The following TMEM132D variants were observed in gnomAD, a reference collection of about 807,000 sequenced individuals.
TMEM132D encodes the protein mature OL transmembrane protein.
In TMEM132D, 21 loss-of-function variants were observed where a neutral mutation model predicts 62.3. The ratio of observed to expected loss-of-function variants is 0.34; its 90% CI spans 0.24 to 0.49. The LOEUF (loss-of-function observed/expected upper bound fraction) is 0.49, where lower values mean the gene tolerates loss of function less well. Ranked by LOEUF, TMEM132D falls within the 20% of genes least tolerant of loss-of-function variation. The pLI, the probability that TMEM132D is intolerant of heterozygous loss-of-function variation, is 0.99. For synonymous variants in TMEM132D, 621 were observed against 575.6 expected (o/e 1.08, Z -1.13); for missense variants, 1,346 against 1,402.8 (o/e 0.96, Z 0.65).
chr12:129,681,070 T>C (rs1880764860), intron 2 of TMEM132D, among the ~76,000 whole-genome samples: 1 of 152,126 alleles, frequency 6.6e-6, no homozygotes, highest in African/African-American at 2.4e-5. Context: ...ACCTGTGAAA[T>C]GTAGATTGCA....
At chr12:129,524,803 G>A (rs1209142108) in intron 3 of TMEM132D, among the ~76,000 whole-genome samples, 2 of 151,654 alleles carry the variant, frequency 1.3e-5, no homozygotes, top group Admixed American at 6.6e-5. Flanking sequence ...TGCAGTGAGC[G>A]GAGACTGCGC....
chr12:129,300,551 G>A (rs934849341), intron 4 of TMEM132D, among the ~76,000 whole-genome samples: 4 of 152,182 alleles, frequency 2.6e-5, no homozygotes, highest in Non-Finnish European at 4.4e-5. Context: ...TGGGAGGGTA[G>A]CAGTATAAAA....
chr12:129,537,158 TAAAA>T (rs10635477), intron 2 of TMEM132D, among the ~76,000 whole-genome samples: 7 of 114,354 alleles, frequency 6.1e-5, no homozygotes, highest in African/African-American at 2.4e-4. Context: ...AAACTCTGTC[TAAAA>T]AAAAAAAAAA....
At chr12:129,185,800 TATCTATCTATC>T (rs1262875696) in intron 5 of TMEM132D, among the ~76,000 whole-genome samples, 185 of 134,980 alleles carry the variant, frequency 1.4e-3, no homozygotes, top group East Asian at 0.012. Flanking sequence ...TCTATCTATC[TATCTATCTATC>T]ATCTATCTAT....
chr12:129,217,232 C>T (rs569246819), intron 4 of TMEM132D, among the ~76,000 whole-genome samples: 20 of 152,222 alleles, frequency 1.3e-4, no homozygotes, highest in East Asian at 3.9e-4. Flanking sequence ...TAAAAAAGAA[C>T]GAGGTCATGT....
intron 1 of TMEM132D, among the ~76,000 whole-genome samples, chr12:129,777,939 G>C (rs1870994356): frequency 6.6e-6 from 1 of 151,872 alleles, no homozygotes; most frequent in Non-Finnish European, 1.5e-5. Flanking sequence ...TTCAAGACCT[G>C]CTTGGGCAAC....
intron 2 of TMEM132D, among the ~76,000 whole-genome samples, chr12:129,688,861 C>A (rs590292): frequency 0.22 from 33,768 of 152,116 alleles, 4,075 homozygotes; most frequent in Middle Eastern, 0.28. Context: ...AAATGCAGAA[C>A]CTTCCTCTAT....
At chr12:129,704,802 G>A (rs1355562446) in intron 1 of TMEM132D, among the ~76,000 whole-genome samples, 1 of 152,132 alleles carries the variant, frequency 6.6e-6, no homozygotes, top group African/African-American at 2.4e-5. Flanking sequence ...AGTAACGAAG[G>A]AAATTCAGAA....
intron 1 of TMEM132D, among the ~76,000 whole-genome samples, chr12:129,871,874 C>T (rs2137377601): frequency 6.6e-6 from 1 of 152,342 alleles, no homozygotes; most frequent in African/African-American, 2.4e-5. Flanking sequence ...CATGGCCCTT[C>T]CGGCCTGGAT....
intron 2 of TMEM132D, among the ~76,000 whole-genome samples, chr12:129,668,549 C>G (rs567928249): frequency 6.6e-6 from 1 of 151,958 alleles, no homozygotes; most frequent in Non-Finnish European, 1.5e-5. Flanking sequence ...GGAGAGCTAA[C>G]GTGTTAAACA....
At chr12:129,744,682 A>C (rs1308006720) in intron 1 of TMEM132D, among the ~76,000 whole-genome samples, 1 of 152,088 alleles carries the variant, frequency 6.6e-6, no homozygotes, top group African/African-American at 2.4e-5. Flanking sequence ...GCACTTCCCT[A>C]AATTTTGTGT....
At chr12:129,379,128 T>C (rs1870864335) in intron 3 of TMEM132D, among the ~76,000 whole-genome samples, 1 of 152,184 alleles carries the variant, frequency 6.6e-6, no homozygotes, top group Non-Finnish European at 1.5e-5. Context: ...ATGGAAATAC[T>C]AGTTAGTCCT....
At chr12:129,278,318 C>T (rs1051838297) in intron 4 of TMEM132D, among the ~76,000 whole-genome samples, 4 of 152,120 alleles carry the variant, frequency 2.6e-5, no homozygotes, top group Non-Finnish European at 5.9e-5. Flanking sequence ...GCACATGAAA[C>T]GCAGACCACA....
intron 5 of TMEM132D, among the ~76,000 whole-genome samples, chr12:129,197,222 C>T (rs1445480937): frequency 6.6e-6 from 1 of 152,188 alleles, no homozygotes; most frequent in Admixed American, 6.5e-5. Flanking sequence ...TATATATCCA[C>T]TCTGTCACTG....
chr12:129,870,850 G>C (rs936524724), intron 1 of TMEM132D, among the ~76,000 whole-genome samples: 1 of 152,090 alleles, frequency 6.6e-6, no homozygotes, highest in Non-Finnish European at 1.5e-5. Context: ...CTGGCATCTG[G>C]AGTGAAGGAA....
At chr12:129,235,351 G>C (rs1402571478) in intron 4 of TMEM132D, among the ~76,000 whole-genome samples, 1 of 150,140 alleles carries the variant, frequency 6.7e-6, no homozygotes, top group African/African-American at 2.4e-5. Context: ...CCTCAACAAA[G>C]TTCATTCACA....
At chr12:129,746,880 T>C (rs1277760576) in intron 1 of TMEM132D, among the ~76,000 whole-genome samples, 1 of 152,014 alleles carries the variant, frequency 6.6e-6, no homozygotes, top group East Asian at 1.9e-4. Context: ...CATTCTCTCT[T>C]CTCTTTGTCT....
chr12:129,746,701 A>T (rs1320493652), intron 1 of TMEM132D, among the ~76,000 whole-genome samples: 2 of 152,110 alleles, frequency 1.3e-5, no homozygotes, highest in African/African-American at 4.8e-5. Flanking sequence ...GTTTTTGGTG[A>T]TAAGGGTAAA....
intron 5 of TMEM132D, among the ~76,000 whole-genome samples, chr12:129,101,811 A>G (rs950988880): frequency 6.6e-6 from 1 of 152,198 alleles, no homozygotes; most frequent in African/African-American, 2.4e-5. Flanking sequence ...AAATAGGAGG[A>G]AAAACACTGA....
Sources: allele counts gnomAD v4.1 joint callset (sites outside exome capture counted in the v4.1 genomes callset), GRCh38; gene constraint gnomAD v4.1.1; transcripts MANE v1.5; gene names NCBI Gene and HGNC (gene_info 2026-07-23, HGNC 2026-07-21).